The following THSD4 variants were observed in gnomAD, a reference collection of about 807,000 sequenced individuals.
THSD4 encodes the protein thrombospondin type-1 domain-containing protein 4.
In THSD4, 69 loss-of-function variants were observed where a neutral mutation model predicts 119.0. That is an observed-to-expected ratio of 0.58 (90% CI 0.48 to 0.71). The LOEUF (loss-of-function observed/expected upper bound fraction) is 0.71, where lower values mean the gene tolerates loss of function less well. Ranked by LOEUF, THSD4 falls within the 30% of genes least tolerant of loss-of-function variation. THSD4 has a pLI of 0.00. For missense variants in THSD4, 1,393 were observed against 1,391.1 expected (o/e 1.00, Z -0.02); for synonymous variants, 524 against 540.4 (o/e 0.97, Z 0.42).
intron 7 of THSD4, among the ~76,000 whole-genome samples, chr15:71,568,570 T>TTA (rs1555427768): frequency 1.4e-5 from 2 of 143,052 alleles, no homozygotes; most frequent in African/African-American, 2.6e-5. Flanking sequence ...CTTTTTCTCT[T>TTA]TTTTTTTTTT....
intron 8 of THSD4, among the ~76,000 whole-genome samples, chr15:71,671,155 G>A (rs1311090508): frequency 1.3e-5 from 2 of 152,192 alleles, no homozygotes; most frequent in African/African-American, 2.4e-5. Context: ...TGTAGTTCCT[G>A]ACTTTTTAAT....
intron 4 of THSD4, among the ~76,000 whole-genome samples, chr15:71,224,449 C>T (rs2043998404): frequency 6.6e-6 from 1 of 152,186 alleles, no homozygotes; most frequent in African/African-American, 2.4e-5. Flanking sequence ...AGCTGTTTGG[C>T]TATGCCATCT....
At chr15:71,103,712 C>T (rs1030423611) in intron 1 of THSD4, among the ~76,000 whole-genome samples, 4 of 152,212 alleles carry the variant, frequency 2.6e-5, no homozygotes, top group Middle Eastern at 3.4e-3. Flanking sequence ...ACTCCCACCC[C>T]CTCAGCCTCT....
intron 6 of THSD4, among the ~76,000 whole-genome samples, chr15:71,381,588 T>G (rs894462324): frequency 6.6e-6 from 1 of 152,178 alleles, no homozygotes; most frequent in Non-Finnish European, 1.5e-5. Flanking sequence ...TGAACCTCCT[T>G]GGACACAAAG....
intron 7 of THSD4, among the ~76,000 whole-genome samples, chr15:71,575,010 T>C (rs903863541): frequency 2.0e-5 from 3 of 152,164 alleles, no homozygotes. Context: ...GCATCAGCCG[T>C]ATATAGAGGA....
chr15:71,473,695 C>G (rs1219332672), intron 7 of THSD4, among the ~76,000 whole-genome samples: 1 of 152,138 alleles, frequency 6.6e-6, no homozygotes, highest in Non-Finnish European at 1.5e-5. Context: ...TATCAAGGAC[C>G]CTGACCCCTG....
intron 7 of THSD4, among the ~76,000 whole-genome samples, chr15:71,566,917 A>G (rs1007053651): frequency 6.6e-6 from 1 of 151,620 alleles, no homozygotes; most frequent in African/African-American, 2.4e-5. Flanking sequence ...TTTTTTCCCT[A>G]AACACTTAAA....
intron 17 of THSD4, among the ~76,000 whole-genome samples, chr15:71,775,877 G>A (rs2053903800): frequency 2.0e-5 from 3 of 152,146 alleles, no homozygotes; most frequent in African/African-American, 7.2e-5. Context: ...AAAGCAAGGA[G>A]AGCAGAATAG....
At chr15:71,584,401 T>TCCTAA (rs2049623200) in intron 7 of THSD4, among the ~76,000 whole-genome samples, 1 of 151,524 alleles carries the variant, frequency 6.6e-6, no homozygotes, top group African/African-American at 2.4e-5. Flanking sequence ...CCTAAGTAGC[T>TCCTAA]GGGATTACAG....
chr15:71,591,529 T>C (rs4322617), intron 7 of THSD4, among the ~76,000 whole-genome samples: 126,758 of 152,192 alleles, frequency 0.83, 53,812 homozygotes, highest in East Asian at 0.94. Flanking sequence ...TGGGCTTCCC[T>C]GTCACACATG....
At chr15:71,383,011 C>T (rs150179416) in intron 6 of THSD4, among the ~76,000 whole-genome samples, 41 of 152,268 alleles carry the variant, frequency 2.7e-4, no homozygotes, top group African/African-American at 9.1e-4. Context: ...CAAGTTTATC[C>T]CATCCTAACA....
intron 7 of THSD4, among the ~76,000 whole-genome samples, chr15:71,553,697 T>C (rs2048969831): frequency 6.6e-6 from 1 of 152,232 alleles, no homozygotes. Flanking sequence ...AGATACATTT[T>C]ATCCAGTTAC....
rs575788469 is a variant in THSD4, at chr15:71,384,314, C to T, written c.1016-27373C>T. On this transcript the variant is annotated intron_variant, in intron 6 of 17. Coordinates refer to ENST00000261862, the MANE Select transcript of THSD4 (RefSeq NM_024817.3). ...AATGGCGTGAACCCCGGAGGCGGAACTTGCAGTGAGCCGAGAGTGCGCCAC... is the reference window on the plus strand; with the variant it reads ...AATGGCGTGAACCCCGGAGGCGGAATTTGCAGTGAGCCGAGAGTGCGCCAC... Among the ~76,000 whole-genome samples the T allele has an allele frequency of 1.4e-3, 216 of 152,128 alleles. 2 individuals carry two copies. The highest frequency in any genetic ancestry group is 5.0e-3 in the African/African-American group (207 of 41,508).
chr15:71,777,843 CTG>C lies in THSD4; in HGVS notation c.*472_*473del, dbSNP rs2053942176. On this transcript the variant is annotated 3_prime_UTR_variant, in exon 18 of 18. Transcript: ENST00000261862. ...GCCTTGCTGACACGCGTGCATCCCT[CTG>C]TGACCTCAGCCCAGATGTGCCTGTT... 2 of 178,742 alleles carry C rather than the reference CTG, an allele frequency of 1.1e-5. No individual in the cohort carries two copies. Among genetic ancestry groups the C allele is most frequent in the Non-Finnish European group, 2.4e-5 (2 of 82,248 alleles). 11.1% of individuals were successfully genotyped at this position (178,742 alleles called of 1,614,324 possible). A position where few individuals can be genotyped will look rare whatever the true frequency, so the allele number is the denominator to read the frequency against.
intron 8 of THSD4, among the ~76,000 whole-genome samples, chr15:71,664,567 G>A (rs1254066611): frequency 1.3e-5 from 2 of 151,968 alleles, no homozygotes; most frequent in African/African-American, 2.4e-5. Flanking sequence ...GTAAAATCAC[G>A]TCACTGGGGT....
chr15:71,443,433 C>CCTCT (rs5813634), intron 7 of THSD4, among the ~76,000 whole-genome samples: 2 of 150,894 alleles, frequency 1.3e-5, no homozygotes, highest in Admixed American at 6.6e-5. Context: ...AAAACAGATC[C>CCTCT]CTCTCTCTCT....
chr15:71,131,435 C>T (rs1254032773), intron 1 of THSD4, among the ~76,000 whole-genome samples: 4 of 150,182 alleles, frequency 2.7e-5, no homozygotes, highest in Admixed American at 2.0e-4. Context: ...ACGGGTGGCT[C>T]GCGGAGCGAG....
intron 7 of THSD4, among the ~76,000 whole-genome samples, chr15:71,525,641 T>A (rs2048507464): frequency 6.6e-6 from 1 of 152,256 alleles, no homozygotes; most frequent in African/African-American, 2.4e-5. Context: ...TAACTGACTT[T>A]TGTTATGGTC....
chr15:71,660,411 A>T, intron 7 of THSD4, 119 bp from the exon 8 acceptor site: 1 of 1,253,128 alleles, frequency 8.0e-7, no homozygotes, highest in Non-Finnish European at 1.1e-6. Flanking sequence ...CCCCACTCCT[A>T]GAATATACAT....
Sources: allele counts gnomAD v4.1 joint callset (sites outside exome capture counted in the v4.1 genomes callset), GRCh38; gene constraint gnomAD v4.1.1; transcripts MANE v1.5; gene names NCBI Gene and HGNC (gene_info 2026-07-23, HGNC 2026-07-21).